The following SPPL3 variants were observed in gnomAD, a reference collection of about 807,000 sequenced individuals.
SPPL3 encodes the protein signal peptide peptidase-like 3.
Under a neutral mutation model 42.4 loss-of-function variants are expected in SPPL3, and 5 were observed. The ratio of observed to expected loss-of-function variants is 0.12; its 90% CI spans 0.06 to 0.25. SPPL3 has a LOEUF of 0.25. Among genes scored for constraint, SPPL3 ranks in the 10% least tolerant of loss-of-function variants. The probability of loss-of-function intolerance (pLI) is 1.00; values close to 1 mark genes in which losing one functional copy is unlikely to be tolerated. For missense variants in SPPL3, 235 were observed against 489.0 expected (o/e 0.48, Z 4.90); for synonymous variants, 195 against 181.8 (o/e 1.07, Z -0.58).
intron 2 of SPPL3, among the ~76,000 whole-genome samples, chr12:120,808,328 A>C (rs1870572341): frequency 6.6e-6 from 1 of 152,096 alleles, no homozygotes. Flanking sequence ...TGCCTGCTTC[A>C]GCCTCCCAAA....
chr12:120,860,565 T>C (rs757249882), intron 1 of SPPL3, among the ~76,000 whole-genome samples: 18 of 152,178 alleles, frequency 1.2e-4, no homozygotes, highest in Non-Finnish European at 2.6e-4. Context: ...TATAGCAATT[T>C]GGTAATTTTC....
intron 1 of SPPL3, among the ~76,000 whole-genome samples, chr12:120,815,339 T>G (rs1413690657): frequency 6.6e-6 from 1 of 152,220 alleles, no homozygotes; most frequent in Non-Finnish European, 1.5e-5. Context: ...CAGTATGGTT[T>G]TTATTTGCAT....
At chr12:120,837,541 TATA>T (rs1871662677) in intron 1 of SPPL3, among the ~76,000 whole-genome samples, 1 of 152,234 alleles carries the variant, frequency 6.6e-6, no homozygotes, top group African/African-American at 2.4e-5. Flanking sequence ...TTGAATTTTC[TATA>T]ATGCTTTTTA....
intron 1 of SPPL3, among the ~76,000 whole-genome samples, chr12:120,889,010 C>T (rs1873550882): frequency 6.6e-6 from 1 of 151,968 alleles, no homozygotes; most frequent in Non-Finnish European, 1.5e-5. Flanking sequence ...GATGGGGTTT[C>T]GTCATGTTGG....
chr12:120,796,839 T>A (rs1187592289), intron 2 of SPPL3, among the ~76,000 whole-genome samples: 1 of 152,170 alleles, frequency 6.6e-6, no homozygotes, highest in Non-Finnish European at 1.5e-5. Flanking sequence ...TATTCTTTCC[T>A]CCACTTTAGA....
At chr12:120,794,719 T>C (rs1452940058) in intron 2 of SPPL3, among the ~76,000 whole-genome samples, 2 of 152,220 alleles carry the variant, frequency 1.3e-5, no homozygotes, top group African/African-American at 4.8e-5. Flanking sequence ...AAGAGGTGTG[T>C]AGACCAATTT....
intron 1 of SPPL3, among the ~76,000 whole-genome samples, chr12:120,887,692 G>C (rs1873506702): frequency 6.6e-6 from 1 of 152,214 alleles, no homozygotes; most frequent in Non-Finnish European, 1.5e-5. Context: ...GACTAAAACA[G>C]AGGTTCAACT....
In SPPL3 at chr12:120,779,997, CA is replaced by C. The variant is rs63515160; in HGVS notation, c.502+2657del. Among the ~76,000 whole-genome samples the C allele has an allele frequency of 5.2e-3, 623 of 119,846 alleles. 5 individuals carry two copies. Among genetic ancestry groups the C allele is most frequent in the African/African-American group, 0.015 (472 of 31,596 alleles). The allele number at this position is 119,846 out of a possible 152,430, so 78.6% of individuals were successfully genotyped here. A position where few individuals can be genotyped will look rare whatever the true frequency, so the allele number is the denominator to read the frequency against. Reference sequence around the variant, plus strand: ...TGGGCAACAGAGTGAGACTCCATCTCAAAAAAAAAAAAAGAAGTGGAAACAG... The same window carrying C: ...TGGGCAACAGAGTGAGACTCCATCTCAAAAAAAAAAAAGAAGTGGAAACAG... On this transcript the variant is annotated intron_variant, in intron 6 of 10. Transcript: ENST00000353487.
At chr12:120,839,260 A>G (rs1355797874) in intron 1 of SPPL3, among the ~76,000 whole-genome samples, 1 of 151,324 alleles carries the variant, frequency 6.6e-6, no homozygotes, top group Non-Finnish European at 1.5e-5. Context: ...CTGCAAGGAC[A>G]AAAAACCAAA....
At chr12:120,781,142 A>C (rs1734143526) in intron 6 of SPPL3, among the ~76,000 whole-genome samples, 1 of 152,206 alleles carries the variant, frequency 6.6e-6, no homozygotes, top group African/African-American at 2.4e-5. Flanking sequence ...CACCTAGCAG[A>C]CTGCCTAATC....
At chr12:120,841,794 G>C (rs983095210) in intron 1 of SPPL3, among the ~76,000 whole-genome samples, 1 of 152,202 alleles carries the variant, frequency 6.6e-6, no homozygotes, top group Non-Finnish European at 1.5e-5. Flanking sequence ...AGTGGTAACT[G>C]AGTTTCCTTT....
At chr12:120,821,185 G>T (rs1037684617) in intron 1 of SPPL3, among the ~76,000 whole-genome samples, 2 of 152,124 alleles carry the variant, frequency 1.3e-5, no homozygotes, top group African/African-American at 4.8e-5. Flanking sequence ...AGATAAGAAA[G>T]GATTTATTGC....
chr12:120,833,680 AG>A lies in SPPL3; in HGVS notation c.24-22795del, dbSNP rs66489565. 1.4e-3 allele frequency among the ~76,000 whole-genome samples: 71 copies of A among 51,906 alleles called. 4 individuals carry two copies. The highest frequency in any genetic ancestry group is 8.6e-3 in the East Asian group (13 of 1,520). 34.1% of individuals were successfully genotyped at this position (51,906 alleles called of 152,430 possible). On this transcript the variant is annotated intron_variant, in intron 1 of 10. Coordinates refer to ENST00000353487, the MANE Select transcript of SPPL3 (RefSeq NM_139015.5). ...ACTCCATCTCTCCAAAAAAAAAAAA[AG>A]AAAAAAAAAAAAAGGAAAAAGAGAA...
intron 1 of SPPL3, among the ~76,000 whole-genome samples, chr12:120,869,000 T>C (rs947265498): frequency 6.6e-6 from 1 of 152,292 alleles, no homozygotes; most frequent in South Asian, 2.1e-4. Flanking sequence ...TATATTGAAA[T>C]TATATTAATA....
In SPPL3 at chr12:120,850,810, C is replaced by T. The variant is rs139373086; in HGVS notation, c.24-39924G>A. Among the ~76,000 whole-genome samples, 1,148 of 152,290 alleles carry T rather than the reference C, an allele frequency of 7.5e-3. 11 individuals are homozygous for T. Among genetic ancestry groups the T allele is most frequent in the African/African-American group, 0.026 (1,081 of 41,560 alleles). ...GCCTTTTTCATCTTCTAGAGGACCA[C>T]CTGCATTCCTTGGCTCACATTCCCT... On this transcript the variant is annotated intron_variant, in intron 1 of 10. Transcript: ENST00000353487.
intron 1 of SPPL3, among the ~76,000 whole-genome samples, chr12:120,903,116 A>G (rs1276677120): frequency 6.6e-6 from 1 of 152,136 alleles, no homozygotes; most frequent in Non-Finnish European, 1.5e-5. Context: ...CCTGGGCGCC[A>G]TTCCTCTGAA....
chr12:120,766,145 C>G, intron 10 of SPPL3, 118 bp downstream of exon 10: 1 of 732,912 alleles, frequency 1.4e-6, no homozygotes, highest in Non-Finnish European at 2.2e-6. Context: ...CACACACAGT[C>G]GAGATCACAA....
At position 120,764,865 on chromosome 12, in the gene SPPL3, G is replaced by C; in HGVS notation, c.*134C>G. On this transcript the variant is annotated 3_prime_UTR_variant, in exon 11 of 11. Coordinates refer to ENST00000353487, the MANE Select transcript of SPPL3 (RefSeq NM_139015.5). ...TCCTGCAAACGAGCTCCCTTTAAAT[G>C]CCAAATCCAGTCACACGGCAGTTCC... The C allele has an allele frequency of 1.1e-6, 1 of 935,396 alleles. No individual in the cohort carries two copies. Among genetic ancestry groups the C allele is most frequent in the South Asian group, 2.1e-5 (1 of 48,254 alleles). The allele number at this position is 935,396 out of a possible 1,614,324, so 57.9% of individuals were successfully genotyped here.
At chr12:120,852,945 A>G (rs1475680280) in intron 1 of SPPL3, among the ~76,000 whole-genome samples, 1 of 147,530 alleles carries the variant, frequency 6.8e-6, no homozygotes, top group Non-Finnish European at 1.5e-5. Flanking sequence ...CCCAGGCTGG[A>G]GTGCAGTGGT....
Sources: allele counts gnomAD v4.1 joint callset (sites outside exome capture counted in the v4.1 genomes callset), GRCh38; gene constraint gnomAD v4.1.1; transcripts MANE v1.5; gene names NCBI Gene and HGNC (gene_info 2026-07-23, HGNC 2026-07-21).